RECQL5: variants seen among roughly 807,000 people sequenced by gnomAD.
The protein encoded by RECQL5 is ATP-dependent DNA helicase Q5.
In RECQL5, 88 loss-of-function variants were observed where a neutral mutation model predicts 103.4. That is an observed-to-expected ratio of 0.85 (90% CI 0.72 to 1.02). The LOEUF (loss-of-function observed/expected upper bound fraction) is 1.02, where lower values mean the gene tolerates loss of function less well. Among genes scored for constraint, RECQL5 ranks in the 50% least tolerant of loss-of-function variants. The pLI, the probability that RECQL5 is intolerant of heterozygous loss-of-function variation, is 0.00. For missense variants in RECQL5, 1,232 were observed against 1,284.3 expected (o/e 0.96, Z 0.62); for synonymous variants, 552 against 507.9 (o/e 1.09, Z -1.17).
intron 7 of RECQL5, among the ~76,000 whole-genome samples, chr17:75,656,673 T>C (rs1164038750): frequency 6.6e-6 from 1 of 152,118 alleles, no homozygotes; most frequent in Non-Finnish European, 1.5e-5. Flanking sequence ...TGTTGTCATT[T>C]CTACCTGCTG....
At chr17:75,646,937 C>G (rs1218814391) in intron 8 of RECQL5, among the ~76,000 whole-genome samples, 1 of 152,206 alleles carries the variant, frequency 6.6e-6, no homozygotes, top group Non-Finnish European at 1.5e-5. Context: ...GTTGGCCCCT[C>G]CTCGGCTCCT....
chr17:75,632,708 G>A (rs1211835623), intron 8 of RECQL5, among the ~76,000 whole-genome samples: 2 of 152,140 alleles, frequency 1.3e-5, no homozygotes, highest in African/African-American at 2.4e-5. Context: ...GGTGGCTGTC[G>A]ACCCTTGGGG....
At chr17:75,647,277 G>C in intron 8 of RECQL5, 1 of 1,100,544 alleles carries the variant, frequency 9.1e-7, no homozygotes, top group East Asian at 2.6e-5. Context: ...CACAGAGGCT[G>C]CTACAGAGGC....
intron 8 of RECQL5, among the ~76,000 whole-genome samples, chr17:75,632,201 A>G (rs761449128): frequency 1.8e-4 from 27 of 152,108 alleles, no homozygotes; most frequent in Non-Finnish European, 2.9e-4. Flanking sequence ...CTGTATTTCT[A>G]CTGTACTTTT....
At chr17:75,629,951 G>A in intron 14 of RECQL5, 109 bp from the exon 15 acceptor site, 1 of 1,418,956 alleles carries the variant, frequency 7.0e-7, no homozygotes, top group Non-Finnish European at 9.4e-7. Flanking sequence ...TGTGGCCAGT[G>A]GCCACAGGCA....
rs750290311 is a variant in RECQL5, at chr17:75,647,430, C to A, written c.1229+3756G>T. Reference sequence around the variant, plus strand: ...TCTGGAATGATGCGTTCTGGCAGAACCCCTGGGACCAGGGGGGCCTGGCAG... The same window carrying A: ...TCTGGAATGATGCGTTCTGGCAGAAACCCTGGGACCAGGGGGGCCTGGCAG... On this transcript the variant is annotated intron_variant, in intron 8 of 19. Transcript: ENST00000317905. 11 of 1,549,978 alleles carry A rather than the reference C, an allele frequency of 7.1e-6. No individual in the cohort carries two copies. The East Asian group carries it at 2.2e-4, about 31-fold the overall frequency.
At chr17:75,635,485 G>T (rs2059303936) in intron 8 of RECQL5, among the ~76,000 whole-genome samples, 1 of 152,224 alleles carries the variant, frequency 6.6e-6, no homozygotes, top group South Asian at 2.1e-4. Context: ...TCTAACACCA[G>T]CAGCAGAAAG....
At position 75,629,413 on chromosome 17, in the gene RECQL5, C is replaced by T. The variant is rs748956435; in HGVS notation, c.2010G>A (p.Thr670=). The change falls in exon 16 of 20, where the codon ACG becomes ACA. Residue 670 remains threonine (T), a synonymous_variant. Transcript: ENST00000317905. ...PKGSCPFQTA[T]ELMETTRIRE... Reference sequence around the variant, plus strand: ...TGATCCGAGTTGTCTCCATCAGTTCCGTGGCCGTCTGGAACGGGCAGGAGC... The same window carrying T: ...TGATCCGAGTTGTCTCCATCAGTTCTGTGGCCGTCTGGAACGGGCAGGAGC... The T allele has an allele frequency of 3.3e-6, 5 of 1,506,394 alleles. No homozygotes were observed. Among genetic ancestry groups the T allele is most frequent in the Middle Eastern group, 1.8e-4 (1 of 5,556 alleles). 93.3% of individuals were successfully genotyped at this position (1,506,394 alleles called of 1,614,324 possible). A position where few individuals can be genotyped will look rare whatever the true frequency, so the allele number is the denominator to read the frequency against.
At chr17:75,653,917 C>CAAAAA (rs138450030) in intron 7 of RECQL5, among the ~76,000 whole-genome samples, 3 of 145,532 alleles carry the variant, frequency 2.1e-5, no homozygotes, top group African/African-American at 7.6e-5. Context: ...CAAAACAAAA[C>CAAAAA]AAAAAAAAAA....
chr17:75,658,462 T>C lies in RECQL5; in HGVS notation c.987-2A>G. The C allele has an allele frequency of 6.2e-7, 1 of 1,613,078 alleles. No individual in the cohort carries two copies. Among genetic ancestry groups the C allele is most frequent in the Non-Finnish European group, 8.5e-7 (1 of 1,179,428 alleles). On this transcript the variant is annotated splice_acceptor_variant, in intron 6 of 19. Coordinates refer to ENST00000317905, the MANE Select transcript of RECQL5 (RefSeq NM_004259.7). LOFTEE classifies it high-confidence loss of function. ...GCAATATTCCAATGGGCGACAAACCTGTAGGATCCAAAGGGACAAGCAGCA... is the reference window on the plus strand; with the variant it reads ...GCAATATTCCAATGGGCGACAAACCCGTAGGATCCAAAGGGACAAGCAGCA...
At chr17:75,631,775 C>T in intron 8 of RECQL5, 107 bp from the exon 9 acceptor site, 7 of 1,167,020 alleles carry the variant, frequency 6.0e-6, no homozygotes, top group African/African-American at 1.5e-5. Flanking sequence ...GCGTCCGGCA[C>T]CATGCCGGGA....
rs1253878747 is a variant in RECQL5, at chr17:75,667,130, A to G, written c.-101T>C. ...AGACCCCTATACACAACCCCAACTCAGAGAAGCCAAAGCGCTGGGAATTCA... is the reference window on the plus strand; with the variant it reads ...AGACCCCTATACACAACCCCAACTCGGAGAAGCCAAAGCGCTGGGAATTCA... On this transcript the variant is annotated 5_prime_UTR_variant, in exon 1 of 20. Coordinates refer to ENST00000317905, the MANE Select transcript of RECQL5 (RefSeq NM_004259.7). The G allele has an allele frequency of 1.3e-5, 7 of 535,518 alleles. No homozygotes were observed. The East Asian group carries it at 1.7e-4, about 13-fold the overall frequency. The allele number at this position is 535,518 out of a possible 1,614,324, so 33.2% of individuals were successfully genotyped here.
At chr17:75,646,364 A>C (rs1032895092) in intron 8 of RECQL5, 4 of 152,428 alleles carry the variant, frequency 2.6e-5, no homozygotes, top group Non-Finnish European at 5.9e-5. Context: ...AGCCCAGCCC[A>C]GCCACAGGTG....
chr17:75,627,048 C>CCCT lies in RECQL5; in HGVS notation c.*371_*373dup. 1 of 413,036 alleles carries CCCT rather than the reference C, an allele frequency of 2.4e-6. No homozygotes were observed. The highest frequency in any genetic ancestry group is 4.8e-6 in the Non-Finnish European group (1 of 206,952). 25.6% of individuals were successfully genotyped at this position (413,036 alleles called of 1,614,324 possible). A position where few individuals can be genotyped will look rare whatever the true frequency, so the allele number is the denominator to read the frequency against. On this transcript the variant is annotated 3_prime_UTR_variant, in exon 20 of 20. Transcript: ENST00000317905. The stretch of plus-strand genomic sequence containing the variant: ...GGAGTGGGTGGAGGATCTGAGGGTC[C>CCCT]CCTGGGTAGGTTCCGATACCTTGGA...
rs759988805 is a variant in RECQL5 at position 75,630,966 on chromosome 17, G to A, written c.1585+8C>T. 1.2e-6 allele frequency: 2 copies of A among 1,613,444 alleles called. No homozygotes were observed. Among genetic ancestry groups the A allele is most frequent in the Admixed American group, 3.3e-5 (2 of 59,942 alleles). On this transcript the variant is annotated splice_region_variant and intron_variant, in intron 11 of 19. Transcript: ENST00000317905. ...CCCACAAGCCTCCAGGAACATTTCT[G>A]TACTGACCTGGGGGTACAAATTCTT...
intron 3 of RECQL5, among the ~76,000 whole-genome samples, chr17:75,663,731 T>A (rs1334878645): frequency 2.0e-5 from 3 of 152,192 alleles, no homozygotes; most frequent in Admixed American, 6.5e-5. Flanking sequence ...CATTGTTGTA[T>A]AACTTAAAAT....
chr17:75,658,311 A>C lies in RECQL5; in HGVS notation c.1136T>G (p.Val379Gly). ...CCCAAGCCTTACCTGGAGTTTTGCT[A>C]CTTCCTTCCTGATCAGGAAGCTGAC... ...DQVSFLIRKE[V>G]AKLQEKRGNK... The change falls in exon 7 of 20, where the codon GTA (valine) becomes GGA (glycine). Residue 379 changes from valine (V) to glycine (G), a missense_variant. Transcript: ENST00000317905. 1 of 1,613,656 alleles carries C rather than the reference A, an allele frequency of 6.2e-7. No individual in the cohort carries two copies. Among genetic ancestry groups the C allele is most frequent in the Non-Finnish European group, 8.5e-7 (1 of 1,179,752 alleles).
chr17:75,635,964 C>T, intron 8 of RECQL5: 1 of 511,644 alleles, frequency 2.0e-6, no homozygotes, highest in African/African-American at 2.1e-5. Context: ...GCTCCGTGTG[C>T]CAGGAGATGC....
chr17:75,644,949 A>G (rs541540050), intron 8 of RECQL5, among the ~76,000 whole-genome samples: 10 of 152,328 alleles, frequency 6.6e-5, no homozygotes, highest in Admixed American at 3.9e-4. Context: ...TACATATCTC[A>G]CATTAAATGG....
Sources: allele counts gnomAD v4.1 joint callset (sites outside exome capture counted in the v4.1 genomes callset), GRCh38; gene constraint gnomAD v4.1.1; transcripts MANE v1.5; gene names NCBI Gene and HGNC (gene_info 2026-07-23, HGNC 2026-07-21).